DYNC2H1: variants seen among roughly 807,000 people sequenced by gnomAD.
DYNC2H1 encodes the protein dynein cytoplasmic 2 heavy chain 1.
In DYNC2H1, 410 loss-of-function variants were observed where a neutral mutation model predicts 570.0. The observed-to-expected ratio is 0.72, with a 90% confidence interval of 0.66 to 0.78. DYNC2H1 has a LOEUF of 0.78. DYNC2H1 is among the 30% of genes least tolerant of loss of function. The pLI, the probability that DYNC2H1 is intolerant of heterozygous loss-of-function variation, is 0.00. For synonymous variants in DYNC2H1, 1,688 were observed against 1,677.6 expected, an observed-to-expected ratio of 1.01 and a Z score of -0.15; for missense variants, 4,865 against 5,046.4, an observed-to-expected ratio of 0.96 and a Z score of 1.09.
chr11:103,257,581 A>T, intron 68 of DYNC2H1, 27 bp from the exon 69 acceptor site: 1 of 1,596,492 alleles, frequency 6.3e-7, no homozygotes, highest in Non-Finnish European at 8.5e-7. Context: ...TTTCCACCCT[A>T]TCCCCTACTG....
At chr11:103,293,612 C>T (rs1866700933) in intron 75 of DYNC2H1, among the ~76,000 whole-genome samples, 1 of 145,974 alleles carries the variant, frequency 6.9e-6, no homozygotes, top group East Asian at 2.0e-4. Flanking sequence ...CCTTTTTATT[C>T]TTCTTTCTTT....
Position 103,353,783 on chromosome 11 carries a change from A to T in DYNC2H1, c.12040-4460A>T, listed in dbSNP as rs543093590. Among the ~76,000 whole-genome samples the T allele has an allele frequency of 2.0e-3, 304 of 152,308 alleles. 3 individuals are homozygous for T. Among genetic ancestry groups the T allele is most frequent in the South Asian group, 4.1e-3 (20 of 4,828 alleles). ...TATGTTTAACTATTAACATATAAACATATTTTTAGCTGTTGTTTTTAAGTA... is the reference window on the plus strand; with the variant it reads ...TATGTTTAACTATTAACATATAAACTTATTTTTAGCTGTTGTTTTTAAGTA... On this transcript the variant is annotated intron_variant, in intron 82 of 88. Transcript: ENST00000375735.
At chr11:103,229,424 A>C (rs1288529397) in intron 59 of DYNC2H1, among the ~76,000 whole-genome samples, 1 of 152,120 alleles carries the variant, frequency 6.6e-6, no homozygotes, top group Admixed American at 6.6e-5. Context: ...TTTTGACATT[A>C]TCTATTAATT....
At chr11:103,180,714 G>T in intron 39 of DYNC2H1, among the ~76,000 whole-genome samples, 1 of 151,476 alleles carries the variant, frequency 6.6e-6, no homozygotes, top group Non-Finnish European at 1.5e-5. Context: ...GTATGAAGCA[G>T]TGTTGTATTG....
At chr11:103,341,247 T>C (rs985792302) in intron 82 of DYNC2H1, among the ~76,000 whole-genome samples, 3 of 152,252 alleles carry the variant, frequency 2.0e-5, no homozygotes, top group Non-Finnish European at 4.4e-5. Flanking sequence ...TCTCTTGCTT[T>C]CTATTTCTCT....
rs573955957 is a variant in DYNC2H1, at chr11:103,432,388, G to A, written c.12367-3555G>A. Among the ~76,000 whole-genome samples, 11 of 152,256 alleles carry A rather than the reference G, an allele frequency of 7.2e-5. No individual in the cohort carries two copies. In the South Asian group the frequency reaches 2.1e-3, roughly 29 times the overall value. On this transcript the variant is annotated intron_variant, in intron 84 of 88. Transcript: ENST00000375735. ...TAGTTGTAAGAGGATCAGCTTGGAT[G>A]ATTGCTCTCAGCTGGTTGTTGTCAA...
rs748827874 is a variant in DYNC2H1, at chr11:103,168,756, A to T, written c.4764A>T (p.Glu1588Asp). 1 of 1,612,016 alleles carries T rather than the reference A, an allele frequency of 6.2e-7. No individual in the cohort carries two copies. The highest frequency in any genetic ancestry group is 2.2e-5 in the East Asian group (1 of 44,706). The change falls in exon 32 of 89, where the codon GAA becomes GAT. Residue 1588 changes from glutamate to aspartate, a missense_variant and splice_region_variant. Around this residue, in one of 5 missense-constraint regions of DYNC2H1, gnomAD observed 1,936 missense variants for 1,962.1 expected, o/e 0.99. Transcript: ENST00000375735. ...GTCAATATTTTTATTTCTGCCTAGAATCGGGCATCCTGGAGCTTAAACTTA... is the reference window on the plus strand; with the variant it reads ...GTCAATATTTTTATTTCTGCCTAGATTCGGGCATCCTGGAGCTTAAACTTA... ...DTSSEDPGNT[E>D]SGILELKLKA... is the part of the protein sequence containing the mutation.
At chr11:103,188,041 A>G (rs547479978) in intron 43 of DYNC2H1, among the ~76,000 whole-genome samples, 5 of 152,186 alleles carry the variant, frequency 3.3e-5, no homozygotes, top group African/African-American at 9.6e-5. Flanking sequence ...AGTGTGGAAT[A>G]TATTTTTTCT....
intron 82 of DYNC2H1, among the ~76,000 whole-genome samples, chr11:103,331,408 C>T (rs1938784369): frequency 6.6e-6 from 1 of 152,034 alleles, no homozygotes; most frequent in South Asian, 2.1e-4. Context: ...AAACTCTGCC[C>T]CTACCCTAAG....
chr11:103,118,180 A>G (rs2134703835), intron 6 of DYNC2H1, among the ~76,000 whole-genome samples: 1 of 152,236 alleles, frequency 6.6e-6, no homozygotes, highest in South Asian at 2.1e-4. Flanking sequence ...ACAACTTTTT[A>G]AGTGGTATTC....
chr11:103,354,261 T>C (rs911573837), intron 82 of DYNC2H1, among the ~76,000 whole-genome samples: 1 of 151,700 alleles, frequency 6.6e-6, no homozygotes, highest in Non-Finnish European at 1.5e-5. Flanking sequence ...CCTTCTACTC[T>C]ACCCTTGTTT....
At chr11:103,293,295 C>T (rs998499215) in intron 75 of DYNC2H1, among the ~76,000 whole-genome samples, 5 of 152,048 alleles carry the variant, frequency 3.3e-5, no homozygotes, top group Non-Finnish European at 7.4e-5. Context: ...GCCAGACATA[C>T]GGAGCTTCTT....
At chr11:103,210,052 A>G in intron 53 of DYNC2H1, 92 bp downstream of exon 53, 2 of 1,277,858 alleles carry the variant, frequency 1.6e-6, no homozygotes, top group Non-Finnish European at 2.0e-6. Context: ...ATTCATGATT[A>G]TAAATTTGAA....
In DYNC2H1 at chr11:103,246,725, G is replaced by C. The variant is rs74600036; in HGVS notation, c.10042+1351G>C. On this transcript the variant is annotated intron_variant, in intron 65 of 88. Coordinates refer to ENST00000375735, the MANE Select transcript of DYNC2H1 (RefSeq NM_001377.3). ...TTCAAGAGTGATAAGTTCCTCATGA[G>C]TTGCCATTTTTTCATCATACATTAA... Among the ~76,000 whole-genome samples the C allele has an allele frequency of 1.6e-3, 244 of 152,062 alleles. 6 individuals are homozygous for C. The East Asian group carries it at 0.045, about 28-fold the overall frequency.
intron 84 of DYNC2H1, among the ~76,000 whole-genome samples, chr11:103,421,516 C>A (rs1943489868): frequency 6.6e-6 from 1 of 152,026 alleles, no homozygotes; most frequent in Non-Finnish European, 1.5e-5. Flanking sequence ...TCTCTTAGAC[C>A]ACAATGCAAT....
intron 6 of DYNC2H1, 37 bp from the exon 7 acceptor site, chr11:103,120,410 T>C (rs1223844112): frequency 1.3e-6 from 2 of 1,528,650 alleles, no homozygotes; most frequent in Admixed American, 1.9e-5. Context: ...AATGGTTGGA[T>C]TTAAATAAAT....
At position 103,468,667 on chromosome 11, in the gene DYNC2H1, T is replaced by A. The variant is rs781528502; in HGVS notation, c.12727T>A (p.Ser4243Thr). The A allele has an allele frequency of 1.2e-6, 2 of 1,613,684 alleles. No homozygotes were observed. The highest frequency in any genetic ancestry group is 4.5e-5 in the East Asian group (2 of 44,862). ...AAATCAGCTTGATTCTCCCAGCGTG[T>A]CATCAGTGCTCCCTTGTTTTATGGG... ...SENQLDSPSV[S>T]SVLPCFMGWI... Residue 4243 changes from serine to threonine, a missense_variant, in exon 88 of 89, where the codon TCA becomes ACA. Coordinates refer to ENST00000375735, the MANE Select transcript of DYNC2H1 (RefSeq NM_001377.3).
At chr11:103,192,327 C>A in intron 47 of DYNC2H1, 63 bp downstream of exon 47, 1 of 1,259,956 alleles carries the variant, frequency 7.9e-7, no homozygotes, top group Non-Finnish European at 1.0e-6. Context: ...TTTTTTCTTA[C>A]CCAGAGCATG....
intron 69 of DYNC2H1, among the ~76,000 whole-genome samples, chr11:103,259,238 T>A (rs1293468225): frequency 6.6e-6 from 1 of 152,184 alleles, no homozygotes; most frequent in Non-Finnish European, 1.5e-5. Context: ...AAAACTTACA[T>A]CACACTAAGG....
Sources: gnomAD v4.1 joint callset for allele counts (sites outside exome capture counted in the v4.1 genomes callset) on GRCh38, gnomAD v4.1.1 for gene constraint, gnomAD v4.1.1 regional missense constraint, MANE v1.5 for transcripts, NCBI Gene and HGNC (gene_info 2026-07-23, HGNC 2026-07-21) for gene names.